Variants in LRRC4C observed in about 807,000 individuals in gnomAD.
The protein encoded by LRRC4C is leucine-rich repeat-containing protein 4C.
LRRC4C carries 5 observed loss-of-function variants against 33.6 expected under a neutral mutation model. The observed-to-expected ratio is 0.15, with a 90% CI of 0.08 to 0.31. The LOEUF (loss-of-function observed/expected upper bound fraction) is 0.31. Among genes scored for constraint, LRRC4C ranks in the 10% least tolerant of loss-of-function variants. The pLI is 1.00. For missense variants in LRRC4C, 560 were observed against 796.7 expected, an observed-to-expected ratio of 0.70 and a Z score of 3.58; for synonymous variants, 329 against 302.0, an observed-to-expected ratio of 1.09 and a Z score of -0.93.
At chr11:40,254,276 T>A (rs554049567) in intron 4 of LRRC4C, among the ~76,000 whole-genome samples, 1 of 152,296 alleles carries the variant, frequency 6.6e-6, no homozygotes, top group East Asian at 1.9e-4. Context: ...ACACTTTAAT[T>A]AAAATGAGTG....
intron 3 of LRRC4C, among the ~76,000 whole-genome samples, chr11:40,545,505 A>T (rs1956877473): frequency 6.6e-6 from 1 of 151,994 alleles, no homozygotes; most frequent in Non-Finnish European, 1.5e-5. Flanking sequence ...TGATAGCTGG[A>T]AGGGAAAGTA....
intron 1 of LRRC4C, among the ~76,000 whole-genome samples, chr11:41,136,670 C>T (rs1197976938): frequency 1.3e-5 from 2 of 152,144 alleles, no homozygotes; most frequent in Admixed American, 1.3e-4. Context: ...GCTTCAGGTG[C>T]ACCTCTTTCC....
chr11:40,739,371 G>T (rs373946066), intron 2 of LRRC4C, among the ~76,000 whole-genome samples: 11 of 151,670 alleles, frequency 7.3e-5, no homozygotes, highest in African/African-American at 2.7e-4. Context: ...CATCCACATT[G>T]TTGCAAATGA....
Position 40,607,818 on chromosome 11 carries a change from C to T in LRRC4C, c.-270+40324G>A, listed in dbSNP as rs371755464. 2.9e-4 allele frequency among the ~76,000 whole-genome samples: 44 copies of T among 152,234 alleles called. 1 individual carries two copies. The East Asian group carries it at 5.2e-3, about 18-fold the overall frequency. On this transcript the variant is annotated intron_variant, in intron 3 of 6. Transcript: ENST00000528697. ...CCGATTGCTAAGCCAAAGGAGCACA[C>T]GTAACACACACCCGCTGGGGCTTTG...
chr11:41,067,012 T>G (rs1443329876), intron 1 of LRRC4C, among the ~76,000 whole-genome samples: 1 of 152,150 alleles, frequency 6.6e-6, no homozygotes, highest in Non-Finnish European at 1.5e-5. Context: ...CATCAACTAG[T>G]GTGCAAAATA....
At chr11:40,657,319 T>G (rs1306587265) in intron 2 of LRRC4C, among the ~76,000 whole-genome samples, 2 of 152,174 alleles carry the variant, frequency 1.3e-5, no homozygotes, top group Non-Finnish European at 2.9e-5. Flanking sequence ...AATTTTCTCG[T>G]ATAAGTAGCT....
chr11:41,407,301 C>CTTT (rs552180859), intron 1 of LRRC4C, among the ~76,000 whole-genome samples: 3 of 133,310 alleles, frequency 2.3e-5, no homozygotes, highest in Non-Finnish European at 3.3e-5. Context: ...TGAATTTTTC[C>CTTT]TTTTTTTTTT....
At chr11:41,271,196 G>A (rs920188359) in intron 1 of LRRC4C, among the ~76,000 whole-genome samples, 2 of 151,996 alleles carry the variant, frequency 1.3e-5, no homozygotes, top group African/African-American at 4.8e-5. Flanking sequence ...CCCAGTTCTT[G>A]TGCTTCCACA....
At chr11:41,429,698 C>A (rs556831202) in intron 1 of LRRC4C, among the ~76,000 whole-genome samples, 2 of 152,126 alleles carry the variant, frequency 1.3e-5, no homozygotes, top group South Asian at 4.2e-4. Context: ...AGTGAATAAG[C>A]AGGGCCGACT....
chr11:40,759,433 CT>C (rs1399688611), intron 2 of LRRC4C, among the ~76,000 whole-genome samples: 1 of 151,562 alleles, frequency 6.6e-6, no homozygotes, highest in Non-Finnish European at 1.5e-5. Flanking sequence ...CAAATACCAT[CT>C]TAAGATTTGC....
intron 1 of LRRC4C, among the ~76,000 whole-genome samples, chr11:41,319,487 A>C (rs1463261601): frequency 6.6e-6 from 1 of 152,200 alleles, no homozygotes; most frequent in Non-Finnish European, 1.5e-5. Context: ...AAGCCAAATT[A>C]ATTAAATGCA....
At chr11:41,017,265 C>T (rs1159847647) in intron 1 of LRRC4C, among the ~76,000 whole-genome samples, 3 of 152,172 alleles carry the variant, frequency 2.0e-5, no homozygotes, top group East Asian at 3.9e-4. Context: ...GCTTTGCAAC[C>T]ACTTCTCAGT....
chr11:40,865,511 G>GTGTATA (rs1457213207), intron 2 of LRRC4C, among the ~76,000 whole-genome samples: 1 of 147,060 alleles, frequency 6.8e-6, no homozygotes, highest in Non-Finnish European at 1.5e-5. Flanking sequence ...TCCACAGTGT[G>GTGTATA]TATATATATA....
intron 3 of LRRC4C, among the ~76,000 whole-genome samples, chr11:40,624,279 G>T (rs1458894415): frequency 6.6e-5 from 10 of 151,994 alleles, no homozygotes; most frequent in Admixed American, 6.6e-4. Flanking sequence ...TATAAAACTT[G>T]GTTATGAAGT....
At chr11:41,046,217 G>C (rs186368535) in intron 1 of LRRC4C, among the ~76,000 whole-genome samples, 224 of 152,136 alleles carry the variant, frequency 1.5e-3, no homozygotes, top group Non-Finnish European at 1.5e-3. Context: ...CAGATATTTG[G>C]TTACATGTTT....
chr11:40,624,189 A>G (rs1388042059), intron 3 of LRRC4C, among the ~76,000 whole-genome samples: 3 of 152,148 alleles, frequency 2.0e-5, no homozygotes, highest in Admixed American at 6.6e-5. Context: ...TTCTATGATC[A>G]TGGACATTTC....
rs533096241 is a variant in LRRC4C at position 40,954,466 on chromosome 11, T to C, written c.-495-20743A>G. Among the ~76,000 whole-genome samples the C allele has an allele frequency of 9.2e-5, 14 of 151,996 alleles. No homozygotes were observed. The South Asian group carries it at 2.9e-3, about 31-fold the overall frequency. On this transcript the variant is annotated intron_variant, in intron 1 of 6. Transcript: ENST00000528697. ...CAATCATAAAGACCAACCTGTGCTG[T>C]CATTTATTCCCCTCAGTATCCAGTG...
chr11:40,902,848 G>A (rs73484707), intron 2 of LRRC4C, among the ~76,000 whole-genome samples: 126 of 152,268 alleles, frequency 8.3e-4, no homozygotes, highest in Middle Eastern at 3.4e-3. Context: ...AGCTAGCAGA[G>A]TTTGGTCTAG....
intron 3 of LRRC4C, among the ~76,000 whole-genome samples, chr11:40,467,886 T>G (rs1485382004): frequency 2.0e-5 from 3 of 151,886 alleles, no homozygotes; most frequent in Non-Finnish European, 4.4e-5. Context: ...CCATTTTTTA[T>G]TTGTTTGTTT....
Sources: allele counts gnomAD v4.1 joint callset (sites outside exome capture counted in the v4.1 genomes callset), GRCh38; gene constraint gnomAD v4.1.1; transcripts MANE v1.5; gene names NCBI Gene and HGNC (gene_info 2026-07-23, HGNC 2026-07-21).